The following MTHFD2L variants were observed in gnomAD, a reference collection of about 807,000 sequenced individuals.
The protein encoded by MTHFD2L is methylenetetrahydrofolate dehydrogenase (NADP+ dependent) 2 like.
MTHFD2L carries 29 observed loss-of-function variants against 34.9 expected under a neutral mutation model. The ratio of observed to expected loss-of-function variants is 0.83; its 90% CI spans 0.62 to 1.13. The LOEUF is 1.13. Among genes scored for constraint, MTHFD2L ranks in the 50% most tolerant of loss-of-function variants. The pLI is 0.00. For missense variants in MTHFD2L, 481 were observed against 446.5 expected, an observed-to-expected ratio of 1.08 and a Z score of -0.70; for synonymous variants, 167 against 155.7, an observed-to-expected ratio of 1.07 and a Z score of -0.54.
intron 1 of MTHFD2L, among the ~76,000 whole-genome samples, chr4:74,170,668 C>A (rs1356191367): frequency 6.6e-6 from 1 of 151,946 alleles, no homozygotes; most frequent in Non-Finnish European, 1.5e-5. Flanking sequence ...GACAATATTT[C>A]AAACCCCATA....
At chr4:74,196,329 G>A (rs1212798481) in intron 3 of MTHFD2L, among the ~76,000 whole-genome samples, 1 of 152,180 alleles carries the variant, frequency 6.6e-6, no homozygotes, top group African/African-American at 2.4e-5. Context: ...ATGAGCAATA[G>A]CAATGCAGAA....
chr4:74,199,634 C>T (rs1734066362), intron 3 of MTHFD2L, among the ~76,000 whole-genome samples, 160 bp from the exon 4 acceptor site: 1 of 151,036 alleles, frequency 6.6e-6, no homozygotes, highest in African/African-American at 2.5e-5. Context: ...CTTTGGCTTA[C>T]TATTTTGGTG....
At chr4:74,281,764 C>T (rs1747519126) in intron 7 of MTHFD2L, among the ~76,000 whole-genome samples, 1 of 151,978 alleles carries the variant, frequency 6.6e-6, no homozygotes, top group South Asian at 2.1e-4. Context: ...TTCCTTTTCT[C>T]CCTCTCTTCT....
upstream of MTHFD2L, chr4:74,158,024 G>T (rs1294625646): frequency 6.8e-7 from 1 of 1,464,068 alleles, no homozygotes; most frequent in Non-Finnish European, 9.2e-7. Flanking sequence ...AACCTGGCTG[G>T]GAAGCGCTAC....
intron 3 of MTHFD2L, among the ~76,000 whole-genome samples, chr4:74,190,064 G>C (rs1401157602): frequency 6.6e-6 from 1 of 152,112 alleles, no homozygotes; most frequent in African/African-American, 2.4e-5. Flanking sequence ...AGCAATTTGA[G>C]AATAAATCAT....
At chr4:74,278,242 G>T (rs1746945855) in intron 6 of MTHFD2L, among the ~76,000 whole-genome samples, 1 of 152,060 alleles carries the variant, frequency 6.6e-6, no homozygotes, top group Admixed American at 6.6e-5. Flanking sequence ...ATTCCAGAGA[G>T]TTTGCTAAAA....
At chr4:74,182,926 A>G (rs1479829148) in intron 3 of MTHFD2L, 4 of 152,200 alleles carry the variant, frequency 2.6e-5, no homozygotes, top group Admixed American at 2.6e-4. Flanking sequence ...TGGACTTGAC[A>G]TGAATAAGAA....
chr4:74,152,367 A>G (rs1322450118), intron 1 of MTHFD2L, among the ~76,000 whole-genome samples: 1 of 152,066 alleles, frequency 6.6e-6, no homozygotes, highest in African/African-American at 2.4e-5. Context: ...TTTCTACTTC[A>G]TGAATCAATT....
At chr4:74,268,089 T>C (rs753382155) in intron 6 of MTHFD2L, 55 of 984,880 alleles carry the variant, frequency 5.6e-5, no homozygotes, top group Middle Eastern at 5.2e-4. Context: ...CAGGAAATGT[T>C]CTGTGGTCAC....
upstream of MTHFD2L, among the ~76,000 whole-genome samples, chr4:74,119,568 G>A (rs922356911): frequency 6.6e-6 from 1 of 152,238 alleles, no homozygotes; most frequent in Non-Finnish European, 1.5e-5. Flanking sequence ...CGGATCACGA[G>A]GTCAGGAGAT....
chr4:74,120,524 G>A (rs2109772674), upstream of MTHFD2L, among the ~76,000 whole-genome samples: 1 of 152,288 alleles, frequency 6.6e-6, no homozygotes, highest in Admixed American at 6.5e-5. Context: ...GCCATGACTG[G>A]ACAGCTTTCT....
At chr4:74,170,115 T>C (rs568375688) in intron 1 of MTHFD2L, among the ~76,000 whole-genome samples, 1 of 152,330 alleles carries the variant, frequency 6.6e-6, no homozygotes, top group South Asian at 2.1e-4. Flanking sequence ...GATAGAATTC[T>C]TCCTAACTCA....
At chr4:74,300,671 T>C (rs1260018932) in intron 7 of MTHFD2L, among the ~76,000 whole-genome samples, 1 of 152,082 alleles carries the variant, frequency 6.6e-6, no homozygotes, top group East Asian at 1.9e-4. Flanking sequence ...CCTTTCATAC[T>C]GTGGGTGTGA....
rs10585551 is a variant in MTHFD2L at position 74,291,003 on chromosome 4, C to CTTTTTTTTTTTTTTTT, written c.931+9470_931+9485dup. 2.9e-3 allele frequency among the ~76,000 whole-genome samples: 84 copies of CTTTTTTTTTTTTTTTT among 29,278 alleles called. 23 individuals carry two copies. The highest frequency in any genetic ancestry group is 6.3e-3 in the Admixed American group (9 of 1,432). The allele number at this position is 29,278 out of a possible 152,430, so 19.2% of individuals were successfully genotyped here. ...CTGTCTTACATTTATTTTTCCTTTT[C>CTTTTTTTTTTTTTTTT]TTTTTTTTTTTTTTTTTTTTTTTTT... On this transcript the variant is annotated intron_variant, in intron 7 of 7. Transcript: ENST00000325278.
intron 6 of MTHFD2L, among the ~76,000 whole-genome samples, chr4:74,247,596 G>A (rs1250955649): frequency 6.6e-6 from 1 of 152,164 alleles, no homozygotes; most frequent in Non-Finnish European, 1.5e-5. Context: ...TGCCCATTCA[G>A]TATGATATTG....
intron 6 of MTHFD2L, among the ~76,000 whole-genome samples, chr4:74,259,472 A>G (rs1367218523): frequency 6.6e-6 from 1 of 152,174 alleles, no homozygotes; most frequent in Non-Finnish European, 1.5e-5. Flanking sequence ...CAGGATTATC[A>G]TTCTAGCAGC....
chr4:74,224,310 G>A (rs1034869118), intron 5 of MTHFD2L, among the ~76,000 whole-genome samples: 36 of 152,022 alleles, frequency 2.4e-4, no homozygotes, highest in Admixed American at 1.2e-3. Context: ...GAGATCTGCC[G>A]CTGCCGGCCA....
intron 5 of MTHFD2L, among the ~76,000 whole-genome samples, chr4:74,218,622 C>CG (rs1560499575): frequency 6.6e-6 from 1 of 151,448 alleles, no homozygotes; most frequent in African/African-American, 2.4e-5. Flanking sequence ...AAGCCCCCCC[C>CG]CCACCACCAA....
chr4:74,180,366 T>C (rs1007008003), intron 3 of MTHFD2L, among the ~76,000 whole-genome samples: 2 of 152,026 alleles, frequency 1.3e-5, no homozygotes, highest in African/African-American at 4.8e-5. Flanking sequence ...AATGAAAAAA[T>C]GAATGAGTCT....
Sources: allele counts gnomAD v4.1 joint callset (sites outside exome capture counted in the v4.1 genomes callset), GRCh38; gene constraint gnomAD v4.1.1; transcripts MANE v1.5; gene names NCBI Gene and HGNC (gene_info 2026-07-23, HGNC 2026-07-21).